The following IGSF10 variants were observed in gnomAD, a reference collection of about 807,000 sequenced individuals.
IGSF10 encodes immunoglobulin superfamily member 10.
Under a neutral mutation model 128.2 loss-of-function variants are expected in IGSF10, and 126 were observed. The observed-to-expected ratio is 0.98, with a 90% CI of 0.85 to 1.14. The LOEUF (loss-of-function observed/expected upper bound fraction) is 1.14, where lower values mean the gene tolerates loss of function less well. Among genes scored for constraint, IGSF10 ranks in the 50% most tolerant of loss-of-function variants. The pLI is 0.00. For synonymous variants in IGSF10, 1,185 were observed against 1,146.2 expected, an observed-to-expected ratio of 1.03 and a Z score of -0.68; for missense variants, 3,295 against 3,149.8, an observed-to-expected ratio of 1.05 and a Z score of -1.10.
chr3:151,438,146 C>T lies in IGSF10; in HGVS notation c.6415G>A (p.Ala2139Thr), dbSNP rs1450351649. The change falls in exon 8 of 8, where the codon GCT becomes ACT. Residue 2139 changes from alanine to threonine, a missense_variant. Physicochemically the swap from Ala to Thr is moderately conservative, Grantham distance 58. Coordinates refer to ENST00000282466, the MANE Select transcript of IGSF10 (RefSeq NM_178822.5). ...EMKVHLTVIT[A>T]APRIRQSNKT... Reference sequence around the variant, plus strand: ...TTACTCTGCCTTATCCGGGGAGCAGCTGTTATAACTGTTAAGTGGACCTTC... The same window carrying T: ...TTACTCTGCCTTATCCGGGGAGCAGTTGTTATAACTGTTAAGTGGACCTTC... The T allele has an allele frequency of 1.9e-6, 3 of 1,614,030 alleles. No individual in the cohort carries two copies. In the African/African-American group the frequency reaches 4.0e-5, roughly 22 times the overall value.
chr3:151,553,342 A>C, the IGSF10 span, among the ~76,000 whole-genome samples: 82 of 152,258 alleles, frequency 5.4e-4, no homozygotes, highest in African/African-American at 1.8e-3. Flanking sequence ...ATGAGAAGAT[A>C]ATCTTTCTTG....
chr3:151,438,156 T>G lies in IGSF10; in HGVS notation c.6405A>C (p.Thr2135=), dbSNP rs1440154946. 1.2e-6 allele frequency: 2 copies of G among 1,614,194 alleles called. No homozygotes were observed. Among genetic ancestry groups the G allele is most frequent in the Non-Finnish European group, 1.7e-6 (2 of 1,180,038 alleles). ...TTATCCGGGGAGCAGCTGTTATAAC[T>G]GTTAAGTGGACCTTCATTTCATCTT... ...LGKDEMKVHL[T]VITAAPRIRQ... Residue 2135 remains threonine, a synonymous_variant, in exon 8 of 8, where the codon ACA becomes ACC. Coordinates refer to ENST00000282466, the MANE Select transcript of IGSF10 (RefSeq NM_178822.5).
At chr3:151,526,647 T>A in the IGSF10 span, among the ~76,000 whole-genome samples, 1 of 152,198 alleles carries the variant, frequency 6.6e-6, no homozygotes, top group African/African-American at 2.4e-5. Context: ...TCCTCTAATA[T>A]TAAAAAAATT....
In IGSF10 at chr3:151,438,494, C is replaced by A; in HGVS notation, c.6067G>T (p.Gly2023Trp). The A allele has an allele frequency of 1.2e-6, 2 of 1,614,094 alleles. No individual in the cohort carries two copies. The highest frequency in any genetic ancestry group is 1.7e-6 in the Non-Finnish European group (2 of 1,180,012). ...ACATGCATCAGTATCAGATCATCCC[C>A]CATTTTGTTTCTTGCCACACACAAG... is the stretch of plus-strand genomic sequence containing the variant. ...VYLCVARNKM[G>W]DDLILMHVSL... The change falls in exon 8 of 8, where the codon GGG becomes TGG. Residue 2023 changes from glycine to tryptophan, a missense_variant. Physicochemically the swap from Gly to Trp is radical, Grantham distance 184 (BLOSUM62 -2). Coordinates refer to ENST00000282466, the MANE Select transcript of IGSF10 (RefSeq NM_178822.5).
the IGSF10 span, among the ~76,000 whole-genome samples, chr3:151,486,079 A>G: frequency 6.6e-6 from 1 of 152,228 alleles, no homozygotes; most frequent in Non-Finnish European, 1.5e-5. Context: ...AGACTCACAC[A>G]TAGGCTCAAA....
the IGSF10 span, among the ~76,000 whole-genome samples, chr3:151,503,460 A>T: frequency 6.6e-6 from 1 of 152,170 alleles, no homozygotes; most frequent in Non-Finnish European, 1.5e-5. Flanking sequence ...GAAGTAAAAT[A>T]TACTTATATA....
the IGSF10 span, among the ~76,000 whole-genome samples, chr3:151,597,550 T>G: frequency 6.6e-6 from 1 of 152,198 alleles, no homozygotes. Flanking sequence ...AATGGTGTGC[T>G]CTTTTATTTT....
the IGSF10 span, among the ~76,000 whole-genome samples, chr3:151,497,541 G>A: frequency 6.6e-6 from 1 of 152,142 alleles, no homozygotes. Flanking sequence ...TTATATCTCT[G>A]TTTTGGTACC....
At chr3:151,603,653 A>C in the IGSF10 span, among the ~76,000 whole-genome samples, 1 of 152,368 alleles carries the variant, frequency 6.6e-6, no homozygotes, top group Non-Finnish European at 1.5e-5. Context: ...GGGATAGGCA[A>C]GTTCCAAGAT....
chr3:151,510,557 T>C, the IGSF10 span, among the ~76,000 whole-genome samples: 130,406 of 152,146 alleles, frequency 0.86, 56,085 homozygotes, highest in Middle Eastern at 0.95. Context: ...ATCAGAGTGC[T>C]TCTCCTCCTC....
the IGSF10 span, among the ~76,000 whole-genome samples, chr3:151,574,363 G>A: frequency 7.2e-5 from 11 of 152,226 alleles, no homozygotes; most frequent in South Asian, 2.1e-4. Context: ...CCAATCAAAC[G>A]TAGATTTGGT....
chr3:151,534,441 T>C, the IGSF10 span, among the ~76,000 whole-genome samples: 5 of 152,194 alleles, frequency 3.3e-5, no homozygotes, highest in Admixed American at 3.3e-4. Context: ...AAAGAAAATG[T>C]AGCACATATA....
In IGSF10 at chr3:151,449,253, C is replaced by T. The variant is rs768412088; in HGVS notation, c.728G>A (p.Cys243Tyr). 6.4e-7 allele frequency: 1 copy of T among 1,569,974 alleles called. No homozygotes were observed. The highest frequency in any genetic ancestry group is 2.3e-5 in the East Asian group (1 of 44,350). ...ACTAGAGGGACTTCTATCTTTTTTG[C>T]ATTTTATTACATCTGGAAAAAAATC... ...WIQEKPDVIK[C>Y]KKDRSPSSAQ... Residue 243 changes from cysteine (C) to tyrosine (Y), a missense_variant, in exon 6 of 8, where the codon TGC (cysteine) becomes TAC (tyrosine). By Grantham distance (194) the Cys-to-Tyr change is radical (BLOSUM62 -2). Transcript: ENST00000282466.
At chr3:151,509,021 A>G in the IGSF10 span, among the ~76,000 whole-genome samples, 2 of 152,216 alleles carry the variant, frequency 1.3e-5, no homozygotes, top group Admixed American at 6.5e-5. Context: ...ACTCTGATGC[A>G]GCGTCTGAAA....
chr3:151,432,536 T>C (rs1164559684), downstream of IGSF10, among the ~76,000 whole-genome samples: 1 of 152,216 alleles, frequency 6.6e-6, no homozygotes, highest in African/African-American at 2.4e-5. Context: ...CCTGCGGCCT[T>C]GCATTGGCAA....
the IGSF10 span, among the ~76,000 whole-genome samples, chr3:151,516,119 C>G: frequency 6.6e-6 from 1 of 151,940 alleles, no homozygotes; most frequent in African/African-American, 2.4e-5. Flanking sequence ...CCCTTGCTGT[C>G]CACGCTACAG....
At chr3:151,496,543 A>G in the IGSF10 span, among the ~76,000 whole-genome samples, 5 of 34,468 alleles carry the variant, frequency 1.5e-4, no homozygotes, top group East Asian at 4.7e-3. Flanking sequence ...TTATGGCTGC[A>G]TAGTATTCCA....
At chr3:151,538,717 C>T in the IGSF10 span, among the ~76,000 whole-genome samples, 1 of 152,124 alleles carries the variant, frequency 6.6e-6, no homozygotes, top group African/African-American at 2.4e-5. Flanking sequence ...AAGAACATTA[C>T]TCTTTCAACC....
At chr3:151,567,034 T>C in the IGSF10 span, among the ~76,000 whole-genome samples, 1 of 152,174 alleles carries the variant, frequency 6.6e-6, no homozygotes, top group Non-Finnish European at 1.5e-5. Context: ...TGTAGGCAAA[T>C]GTATTTTCTG....
Sources: allele counts gnomAD v4.1 joint callset (sites outside exome capture counted in the v4.1 genomes callset), GRCh38; gene constraint gnomAD v4.1.1; transcripts MANE v1.5; gene names NCBI Gene and HGNC (gene_info 2026-07-23, HGNC 2026-07-21).